Variants in CARD8 observed in about 807,000 individuals in gnomAD.
The protein encoded by CARD8 is caspase recruitment domain-containing protein 8.
Under a neutral mutation model 53.2 loss-of-function variants are expected in CARD8, and 38 were observed. The observed-to-expected ratio is 0.71, with a 90% confidence interval of 0.55 to 0.94. The LOEUF (loss-of-function observed/expected upper bound fraction) is 0.94. Among genes scored for constraint, CARD8 ranks in the 40% least tolerant of loss-of-function variants. The probability of loss-of-function intolerance (pLI) is 0.00; values close to 1 mark genes in which losing one functional copy is unlikely to be tolerated. For missense variants in CARD8, 561 were observed against 655.5 expected, an observed-to-expected ratio of 0.86 and a Z score of 1.57; for synonymous variants, 245 against 244.9, an observed-to-expected ratio of 1.00 and a Z score of 0.00.
At position 48,230,957 on chromosome 19, in the gene CARD8, C is replaced by T. The variant is rs150036211; in HGVS notation, c.592G>A (p.Gly198Ser). ...GTGACCTCATCCCTTACCAGGAAGC[C>T]GAGGCCTGTGGCTGACCACAGATAC... Reference protein sequence around the residue: ...GWYLWSATGLGFLVRDEVTVT... With the variant: ...GWYLWSATGLSFLVRDEVTVT... Residue 198 changes from glycine (G) to serine (S), a missense_variant, in exon 9 of 14, where the codon GGC becomes AGC. Gly to Ser is a moderately conservative substitution (Grantham distance 56). Coordinates refer to ENST00000651546, the MANE Select transcript of CARD8 (RefSeq NM_001184900.3). The T allele has an allele frequency of 6.4e-4, 1,031 of 1,614,132 alleles. 30 individuals carry two copies. The East Asian group carries it at 0.014, about 22-fold the overall frequency.
chr19:48,204,936 T>C (rs1402766808), downstream of CARD8, among the ~76,000 whole-genome samples: 1 of 152,142 alleles, frequency 6.6e-6, no homozygotes. Context: ...TTTCGGAAAA[T>C]GCATAATATT....
At chr19:48,215,928 C>T (rs1033388526) in intron 12 of CARD8, among the ~76,000 whole-genome samples, 2 of 152,074 alleles carry the variant, frequency 1.3e-5, no homozygotes, top group African/African-American at 2.4e-5. Flanking sequence ...ATGAATTTTG[C>T]AACATGCCCC....
At chr19:48,207,259 A>G (rs985076715), downstream of CARD8, among the ~76,000 whole-genome samples, 5 of 151,956 alleles carry the variant, frequency 3.3e-5, no homozygotes, top group Non-Finnish European at 5.9e-5. Flanking sequence ...TGTAAGAAAT[A>G]AAATTTTACT....
chr19:48,207,765 A>G (rs56199103), downstream of CARD8, among the ~76,000 whole-genome samples: 54,615 of 122,718 alleles, frequency 0.45, 12,936 homozygotes, highest in Non-Finnish European at 0.54. Context: ...AGACAGAATG[A>G]GACTCTGTCA....
At chr19:48,245,574 G>A (rs1264116761) in intron 3 of CARD8, among the ~76,000 whole-genome samples, 3 of 151,884 alleles carry the variant, frequency 2.0e-5, no homozygotes, top group Non-Finnish European at 4.4e-5. Flanking sequence ...CCAATTCCAT[G>A]AAAGAAGAAA....
downstream of CARD8, among the ~76,000 whole-genome samples, chr19:48,207,734 G>GTTTTTTTTTGTTTTGTTTTT (rs2037429691): frequency 9.4e-5 from 11 of 116,544 alleles, no homozygotes; most frequent in African/African-American, 4.1e-4. Context: ...TTGTTTTTCT[G>GTTTTTTTTTGTTTTGTTTTT]TTTTTTTTTT....
intron 7 of CARD8, 101 bp from the exon 8 acceptor site, chr19:48,231,911 G>T: frequency 9.9e-7 from 1 of 1,006,608 alleles, no homozygotes; most frequent in Non-Finnish European, 1.6e-6. Flanking sequence ...TTGGGATACA[G>T]ATATCGAATG....
rs1327266570 is a variant in CARD8, at chr19:48,230,460, G to C, written c.1013C>G (p.Pro338Arg). 6.2e-7 allele frequency: 1 copy of C among 1,609,134 alleles called. No homozygotes were observed. The highest frequency in any genetic ancestry group is 1.3e-5 in the African/African-American group (1 of 74,728). ...EDIKFHLYLV[P>R]SDALLTKAID... ...TACCTTTGTTAGCAAGGCGTCGCTG[G>C]GGACAAGGTACAAGTGGAACTTAAT... The change falls in exon 10 of 14, where the codon CCC becomes CGC. Residue 338 changes from proline (P) to arginine (R), a missense_variant. Physicochemically the swap from Pro to Arg is moderately radical, Grantham distance 103. Transcript: ENST00000651546.
rs1247293496 is a variant in CARD8, at chr19:48,241,102, A to T, written c.-43-39T>A. 1.8e-5 allele frequency: 19 copies of T among 1,077,386 alleles called. No individual in the cohort carries two copies. In the East Asian group the frequency reaches 4.1e-4, roughly 23 times the overall value. 66.7% of individuals were successfully genotyped at this position (1,077,386 alleles called of 1,614,324 possible). ...AGGAGGTTGTATTTAGGTACTTGGG[A>T]AGAACCATCAGATAAATCTTAGCTT... is the stretch of plus-strand genomic sequence containing the variant. On this transcript the variant is annotated intron_variant, in intron 3 of 13. Transcript: ENST00000651546.
downstream of CARD8, among the ~76,000 whole-genome samples, chr19:48,204,534 A>T (rs2037272907): frequency 6.6e-6 from 1 of 152,052 alleles, no homozygotes; most frequent in South Asian, 2.1e-4. Context: ...CCAAAGCAGT[A>T]GGGAAAATTG....
At chr19:48,248,331 A>C (rs1004450408) in intron 3 of CARD8, among the ~76,000 whole-genome samples, 1 of 152,154 alleles carries the variant, frequency 6.6e-6, no homozygotes, top group Non-Finnish European at 1.5e-5. Context: ...TCTGTGCCAC[A>C]CAGCGAAGCC....
rs1254834980 is a variant in CARD8, at chr19:48,238,515, C to A, written c.77G>T (p.Arg26Met). The A allele has an allele frequency of 3.3e-6, 5 of 1,536,336 alleles. No homozygotes were observed. The highest frequency in any genetic ancestry group is 4.4e-6 in the Non-Finnish European group (5 of 1,146,978). Residue 26 changes from arginine to methionine, a missense_variant, in exon 5 of 14, where the codon AGG (arginine) becomes ATG (methionine). By Grantham distance (91) the Arg-to-Met change is moderately conservative (BLOSUM62 -1). Transcript: ENST00000651546. ...AATGAGTTTGGATGCATCTATGTTC[C>A]TACTGGATCCACTGTCCCTGGGAAA... is the stretch of plus-strand genomic sequence containing the variant. The part of the protein sequence containing the change: ...ELPRRDSGSS[R>M]NIDASKLIRL...
chr19:48,219,051 G>C (rs990003701), intron 11 of CARD8, 39 bp from the exon 12 acceptor site: 6 of 1,608,240 alleles, frequency 3.7e-6, no homozygotes, highest in Non-Finnish European at 5.1e-6. Context: ...GCAGTGGAGG[G>C]TGGAAAGGCC....
chr19:48,220,954 A>AAAGGAAGG (rs373278605), intron 11 of CARD8, among the ~76,000 whole-genome samples: 5 of 101,334 alleles, frequency 4.9e-5, no homozygotes, highest in Non-Finnish European at 7.8e-5. Context: ...AAAGGAAAGG[A>AAAGGAAGG]AAGGAAGGAA....
At chr19:48,242,818 C>T (rs1013218205) in intron 3 of CARD8, among the ~76,000 whole-genome samples, 20 of 152,138 alleles carry the variant, frequency 1.3e-4, no homozygotes, top group Non-Finnish European at 2.2e-4. Context: ...TCCGTGCTCG[C>T]TTCGGCAGCA....
At position 48,220,644 on chromosome 19, in the gene CARD8, T is replaced by G. The variant is rs537543324; in HGVS notation, c.1161+1086A>C. On this transcript the variant is annotated intron_variant, in intron 11 of 13. Coordinates refer to ENST00000651546, the MANE Select transcript of CARD8 (RefSeq NM_001184900.3). ...AAAATCTATTTGGGGCCAGGTGTGG[T>G]GGCTCGAGCCTGTAATCTCAGCACT... Among the ~76,000 whole-genome samples the G allele has an allele frequency of 4.2e-3, 634 of 152,230 alleles. 4 individuals are homozygous for G. The highest frequency in any genetic ancestry group is 0.015 in the African/African-American group (603 of 41,542).
intron 10 of CARD8, among the ~76,000 whole-genome samples, chr19:48,228,396 G>A (rs2042196066): frequency 6.6e-6 from 1 of 152,180 alleles, no homozygotes; most frequent in Non-Finnish European, 1.5e-5. Flanking sequence ...GGGAACTGCT[G>A]TTATAGAAGA....
chr19:48,245,922 T>C (rs976704657), intron 3 of CARD8, among the ~76,000 whole-genome samples: 2 of 150,214 alleles, frequency 1.3e-5, no homozygotes, highest in Admixed American at 6.6e-5. Flanking sequence ...ACATATATAA[T>C]AGTATATATA....
rs1307283928 is a variant in CARD8 at position 48,209,974 on chromosome 19, G to C, written c.*1736C>G. 6.6e-6 allele frequency: 1 copy of C among 152,062 alleles called. No homozygotes were observed. The highest frequency in any genetic ancestry group is 1.5e-5 in the Non-Finnish European group (1 of 68,024). 9.4% of individuals were successfully genotyped at this position (152,062 alleles called of 1,614,324 possible). ...TAATAAAAAGTATTTTTAGAAATTA[G>C]GCTGAAAACCTCTAAGTTTGGTAAA... On this transcript the variant is annotated 3_prime_UTR_variant, in exon 14 of 14. Coordinates refer to ENST00000651546, the MANE Select transcript of CARD8 (RefSeq NM_001184900.3).
Sources: allele counts gnomAD v4.1 joint callset (sites outside exome capture counted in the v4.1 genomes callset), GRCh38; gene constraint gnomAD v4.1.1; transcripts MANE v1.5; gene names NCBI Gene and HGNC (gene_info 2026-07-23, HGNC 2026-07-21).